Variants in EXOSC1 observed in about 807,000 individuals in gnomAD.
EXOSC1 encodes the protein exosome component 1.
Under a neutral mutation model 31.4 loss-of-function variants are expected in EXOSC1, and 27 were observed. The observed-to-expected ratio is 0.86, with a 90% CI of 0.63 to 1.18. The LOEUF is 1.18. Among genes scored for constraint, EXOSC1 ranks in the 50% most tolerant of loss-of-function variants. The pLI, the probability that EXOSC1 is intolerant of heterozygous loss-of-function variation, is 0.00. For synonymous variants in EXOSC1, 84 were observed against 89.5 expected, an observed-to-expected ratio of 0.94 and a Z score of 0.35; for missense variants, 228 against 250.3, an observed-to-expected ratio of 0.91 and a Z score of 0.60.
intron 3 of EXOSC1, among the ~76,000 whole-genome samples, chr10:97,442,714 C>A (rs1480975859): frequency 6.6e-6 from 1 of 152,036 alleles, no homozygotes; most frequent in Non-Finnish European, 1.5e-5. Context: ...GAGACGGAGT[C>A]TCACTCTGTT....
At chr10:97,439,628 T>C (rs1845652580) in intron 4 of EXOSC1, among the ~76,000 whole-genome samples, 1 of 152,224 alleles carries the variant, frequency 6.6e-6, no homozygotes, top group South Asian at 2.1e-4. Context: ...ATTATTTCAT[T>C]ATATATTACA....
intron 7 of EXOSC1, among the ~76,000 whole-genome samples, chr10:97,436,965 G>A (rs1047200739): frequency 6.6e-6 from 1 of 152,140 alleles, no homozygotes; most frequent in African/African-American, 2.4e-5. Flanking sequence ...GTGGTGAGTG[G>A]AGATGGCACC....
At chr10:97,443,086 A>C (rs1330779218) in intron 3 of EXOSC1, 151 bp downstream of exon 3, 1 of 658,882 alleles carries the variant, frequency 1.5e-6, no homozygotes, top group African/African-American at 1.8e-5. Context: ...CGGCCTCTTA[A>C]AGTGCTAGAA....
Position 97,445,993 on chromosome 10 carries a change from G to T in EXOSC1, c.-8C>A, listed in dbSNP as rs147532741. ...TCTCACAGGTGGCGCCATGATTGCC[G>T]CTGTCCCAAAACCAGGATGAAAACG... On this transcript the variant is annotated 5_prime_UTR_variant, in exon 1 of 8. Coordinates refer to ENST00000370902, the MANE Select transcript of EXOSC1 (RefSeq NM_016046.5). 6.2e-7 allele frequency: 1 copy of T among 1,614,214 alleles called. No individual in the cohort carries two copies. Among genetic ancestry groups the T allele is most frequent in the South Asian group, 1.1e-5 (1 of 91,082 alleles).
At chr10:97,441,336 AC>A in intron 3 of EXOSC1, 77 bp from the exon 4 acceptor site, 2 of 1,234,026 alleles carry the variant, frequency 1.6e-6, no homozygotes, top group South Asian at 2.4e-5. Context: ...ACTGGGGATT[AC>A]TAGGGCTTCA....
chr10:97,440,200 G>C (rs1249170793), intron 4 of EXOSC1, among the ~76,000 whole-genome samples: 1 of 151,934 alleles, frequency 6.6e-6, no homozygotes, highest in African/African-American at 2.4e-5. Context: ...TCGAACTCCC[G>C]ACCTCAGGTG....
intron 3 of EXOSC1, 66 bp from the exon 4 acceptor site, chr10:97,441,325 A>AACTGGGGATT (rs1485450984): frequency 7.2e-7 from 1 of 1,383,614 alleles, no homozygotes; most frequent in Non-Finnish European, 1.0e-6. Flanking sequence ...GGCAGCAATA[A>AACTGGGGATT]ACTGGGGATT....
intron 3 of EXOSC1, among the ~76,000 whole-genome samples, chr10:97,442,177 C>CAAA (rs56821235): frequency 2.0e-4 from 28 of 140,454 alleles, no homozygotes; most frequent in South Asian, 4.5e-4. Flanking sequence ...GGCCCTGTCT[C>CAAA]AAAAAAAAAA....
intron 3 of EXOSC1, 106 bp from the exon 4 acceptor site, chr10:97,441,365 A>G: frequency 1.2e-5 from 10 of 828,268 alleles, no homozygotes; most frequent in Non-Finnish European, 2.0e-5. Context: ...CAACCCTACT[A>G]AGTAGAGAAT....
At chr10:97,445,020 G>A (rs1392852229) in intron 2 of EXOSC1, 1 of 152,132 alleles carries the variant, frequency 6.6e-6, no homozygotes, top group African/African-American at 2.4e-5. Flanking sequence ...ATATACCTGA[G>A]TGTCTCATCA....
chr10:97,436,811 G>A (rs1845552956), intron 7 of EXOSC1, among the ~76,000 whole-genome samples: 1 of 152,130 alleles, frequency 6.6e-6, no homozygotes, highest in South Asian at 2.1e-4. Context: ...ATCATTTGAG[G>A]CCAGGAGTTT....
In EXOSC1 at chr10:97,438,677, T is replaced by C; in HGVS notation, c.338A>G (p.Lys113Arg). Residue 113 changes from lysine (K) to arginine (R), a missense_variant, in exon 5 of 8, where the codon AAA (lysine) becomes AGA (arginine). Transcript: ENST00000370902. ...AAAGAACCAACCAACAACCTTGTCT[T>C]TTTCAGTTGCTCGGACATCTTCCTT... ...IRKEDVRATE[K>R]DKVEIYKSFR... The C allele has an allele frequency of 6.2e-7, 1 of 1,612,566 alleles. No homozygotes were observed. The highest frequency in any genetic ancestry group is 8.5e-7 in the Non-Finnish European group (1 of 1,179,478).
At chr10:97,441,926 C>G (rs1845732052) in intron 3 of EXOSC1, among the ~76,000 whole-genome samples, 2 of 149,226 alleles carry the variant, frequency 1.3e-5, no homozygotes, top group Non-Finnish European at 3.0e-5. Flanking sequence ...CCTGTAATCC[C>G]AGCACTTTGG....
chr10:97,445,655 T>C, intron 2 of EXOSC1, 77 bp downstream of exon 2: 2 of 1,368,962 alleles, frequency 1.5e-6, no homozygotes, highest in Non-Finnish European at 2.0e-6. Context: ...GCGTCCGCAG[T>C]GCCCATGCCT....
At chr10:97,437,626 G>T in intron 6 of EXOSC1, 74 bp downstream of exon 6, 1 of 1,424,438 alleles carries the variant, frequency 7.0e-7, no homozygotes, top group Non-Finnish European at 9.9e-7. Flanking sequence ...GGGATTACAG[G>T]CATGAGCCAC....
At chr10:97,444,135 G>A (rs1306638291) in intron 2 of EXOSC1, 1 of 152,072 alleles carries the variant, frequency 6.6e-6, no homozygotes, top group Non-Finnish European at 1.5e-5. Context: ...GCTTCCTTCT[G>A]TTTCTTATTT....
chr10:97,437,310 G>C, intron 6 of EXOSC1, 35 bp from the exon 7 acceptor site: 90 of 1,502,678 alleles, frequency 6.0e-5, no homozygotes, highest in Non-Finnish European at 7.6e-5. Flanking sequence ...AAAATGAGGA[G>C]TTAGAAGTCT....
Position 97,436,362 on chromosome 10 carries a change from C to A in EXOSC1, c.*83G>T. On this transcript the variant is annotated 3_prime_UTR_variant, in exon 8 of 8. Transcript: ENST00000370902. ...TCTGGAAGTGGCTGTTGGCCGACGCCAGGTGTTTGAATAAAGACAGCAGCA... is the reference window on the plus strand; with the variant it reads ...TCTGGAAGTGGCTGTTGGCCGACGCAAGGTGTTTGAATAAAGACAGCAGCA... 9.6e-7 allele frequency: 1 copy of A among 1,037,902 alleles called. No individual in the cohort carries two copies. Among genetic ancestry groups the A allele is most frequent in the South Asian group, 1.4e-5 (1 of 72,772 alleles). 64.3% of individuals were successfully genotyped at this position (1,037,902 alleles called of 1,614,324 possible).
At chr10:97,445,603 G>C in intron 2 of EXOSC1, 129 bp downstream of exon 2, 1 of 789,684 alleles carries the variant, frequency 1.3e-6, no homozygotes, top group Admixed American at 2.8e-5. Flanking sequence ...ACGGCTAGAA[G>C]AAACTAAGAG....
Sources: allele counts gnomAD v4.1 joint callset (sites outside exome capture counted in the v4.1 genomes callset), GRCh38; gene constraint gnomAD v4.1.1; transcripts MANE v1.5; gene names NCBI Gene and HGNC (gene_info 2026-07-23, HGNC 2026-07-21).